The following SUV39H2 variants were observed in gnomAD, a reference collection of about 807,000 sequenced individuals.
SUV39H2 encodes histone-lysine N-methyltransferase SUV39H2.
Under a neutral mutation model 47.5 loss-of-function variants are expected in SUV39H2, and 10 were observed. The ratio of observed to expected loss-of-function variants is 0.21; its 90% CI spans 0.13 to 0.36. The LOEUF (loss-of-function observed/expected upper bound fraction) is 0.36, where lower values mean the gene tolerates loss of function less well. SUV39H2 is among the 10% of genes least tolerant of loss of function. The pLI, the probability that SUV39H2 is intolerant of heterozygous loss-of-function variation, is 1.00. For synonymous variants in SUV39H2, 159 were observed against 166.8 expected, an observed-to-expected ratio of 0.95 and a Z score of 0.36; for missense variants, 266 against 487.4, an observed-to-expected ratio of 0.55 and a Z score of 4.28.
Position 14,902,647 on chromosome 10 carries a change from C to G in SUV39H2, c.*135C>G. 1 of 600,072 alleles carries G rather than the reference C, an allele frequency of 1.7e-6. No individual in the cohort carries two copies. Among genetic ancestry groups the G allele is most frequent in the Non-Finnish European group, 2.8e-6 (1 of 355,474 alleles). The allele number at this position is 600,072 out of a possible 1,614,324, so 37.2% of individuals were successfully genotyped here. On this transcript the variant is annotated 3_prime_UTR_variant, in exon 6 of 6. Coordinates refer to ENST00000354919, the MANE Select transcript of SUV39H2 (RefSeq NM_001193424.2). ...TACAATTCATGTTTCAAGACATTTGCCAAATGTATTACCGATGCCTCTGAA... is the reference window on the plus strand; with the variant it reads ...TACAATTCATGTTTCAAGACATTTGGCAAATGTATTACCGATGCCTCTGAA...
intron 3 of SUV39H2, chr10:14,899,114 G>A (rs1833809101): frequency 3.1e-6 from 2 of 649,832 alleles, no homozygotes; most frequent in East Asian, 2.7e-5. Flanking sequence ...GAGCCCAGGA[G>A]TTCCAGACCA....
At chr10:14,885,865 A>C (rs932993895) in intron 2 of SUV39H2, among the ~76,000 whole-genome samples, 4 of 152,202 alleles carry the variant, frequency 2.6e-5, no homozygotes, top group Non-Finnish European at 5.9e-5. Context: ...TCTCAATACC[A>C]TAGTCTACCG....
At chr10:14,885,599 C>T (rs889041499) in intron 2 of SUV39H2, among the ~76,000 whole-genome samples, 1 of 152,172 alleles carries the variant, frequency 6.6e-6, no homozygotes, top group East Asian at 1.9e-4. Flanking sequence ...CTTAGTCTTT[C>T]TCATCAGTTC....
At chr10:14,894,806 C>T (rs1371319646) in intron 2 of SUV39H2, among the ~76,000 whole-genome samples, 3 of 152,150 alleles carry the variant, frequency 2.0e-5, no homozygotes. Context: ...TCATGGTGTC[C>T]CTCAGCCCAA....
Position 14,902,516 on chromosome 10 carries a change from T to C in SUV39H2, c.*4T>C. ...TTGCAGAGGTTACCTCAACTGAACT[T>C]TTTCAGGAAATAGAGCTGATGATTA... On this transcript the variant is annotated 3_prime_UTR_variant, in exon 6 of 6. Transcript: ENST00000354919. 1 of 1,552,286 alleles carries C rather than the reference T, an allele frequency of 6.4e-7. No homozygotes were observed. Among genetic ancestry groups the C allele is most frequent in the Non-Finnish European group, 8.7e-7 (1 of 1,150,470 alleles).
chr10:14,896,223 A>T (rs751529029), intron 2 of SUV39H2, among the ~76,000 whole-genome samples: 2 of 152,150 alleles, frequency 1.3e-5, no homozygotes, highest in Non-Finnish European at 2.9e-5. Context: ...GATTACAGGC[A>T]TGAGCCACCG....
At chr10:14,880,011 C>A (rs1832996556) in intron 1 of SUV39H2, 1 of 150,954 alleles carries the variant, frequency 6.6e-6, no homozygotes, top group African/African-American at 2.4e-5. Context: ...GAAAAGCACA[C>A]AAACACACCT....
At chr10:14,896,801 G>A (rs778381206) in intron 2 of SUV39H2, 45 bp from the exon 3 acceptor site, 5 of 1,465,536 alleles carry the variant, frequency 3.4e-6, no homozygotes, top group Middle Eastern at 2.0e-4. Context: ...GTAAAACTGG[G>A]AAATAGCCGT....
chr10:14,899,385 ATCTGAG>A (rs1833836530), intron 3 of SUV39H2, 148 bp from the exon 4 acceptor site: 1 of 798,502 alleles, frequency 1.3e-6, no homozygotes, highest in Non-Finnish European at 2.0e-6. Flanking sequence ...ACCTCTTTGC[ATCTGAG>A]TCTTAGTTTG....
intron 1 of SUV39H2, among the ~76,000 whole-genome samples, chr10:14,879,448 C>T (rs957460188): frequency 6.6e-6 from 1 of 152,220 alleles, no homozygotes; most frequent in Non-Finnish European, 1.5e-5. Flanking sequence ...GGAATCCCCC[C>T]CAAGGCGGAC....
chr10:14,883,888 T>G (rs977637276), intron 2 of SUV39H2, among the ~76,000 whole-genome samples: 16 of 152,294 alleles, frequency 1.1e-4, no homozygotes, highest in African/African-American at 3.6e-4. Flanking sequence ...TACATCTGTC[T>G]GTCCATTTGC....
At position 14,881,801 on chromosome 10, in the gene SUV39H2, A is replaced by G. The variant is rs2131668759; in HGVS notation, c.177+156A>G. On this transcript the variant is annotated intron_variant, in intron 2 of 5. Coordinates refer to ENST00000354919, the MANE Select transcript of SUV39H2 (RefSeq NM_001193424.2). ...TATGTCCTATCATCTGTGTTGCCAA[A>G]TAGCATTGAGAGGATTTTGAAGCAT... Among the ~76,000 whole-genome samples the G allele has an allele frequency of 2.6e-5, 4 of 152,352 alleles. No homozygotes were observed. In the Middle Eastern group the frequency reaches 0.014, roughly 518 times the overall value.
At chr10:14,881,423 A>T in intron 1 of SUV39H2, 77 bp from the exon 2 acceptor site, 2 of 1,219,166 alleles carry the variant, frequency 1.6e-6, no homozygotes, top group South Asian at 6.3e-5. Flanking sequence ...GATGGGGAAT[A>T]GAGGTTTTAA....
intron 1 of SUV39H2, among the ~76,000 whole-genome samples, chr10:14,881,170 A>C (rs993125745): frequency 4.6e-5 from 7 of 152,218 alleles, no homozygotes; most frequent in Admixed American, 1.3e-4. Context: ...ATGAAAGTGA[A>C]AAACATTATC....
chr10:14,894,610 G>A (rs1285339763), intron 2 of SUV39H2, among the ~76,000 whole-genome samples: 6 of 57,528 alleles, frequency 1.0e-4, no homozygotes, highest in Admixed American at 3.4e-4. Context: ...CTCGTGATCC[G>A]CCCGCCTCGG....
chr10:14,901,367 T>A, intron 5 of SUV39H2, 105 bp downstream of exon 5: 1 of 1,462,686 alleles, frequency 6.8e-7, no homozygotes, highest in Non-Finnish European at 9.3e-7. Context: ...ATACTAAAGA[T>A]GAAAAGTTGA....
At chr10:14,884,690 C>T (rs1203882320) in intron 2 of SUV39H2, among the ~76,000 whole-genome samples, 1 of 152,152 alleles carries the variant, frequency 6.6e-6, no homozygotes, top group South Asian at 2.1e-4. Flanking sequence ...ATTTGAAGAC[C>T]TTGCATCTTA....
intron 4 of SUV39H2, among the ~76,000 whole-genome samples, chr10:14,900,394 G>A (rs1833918487): frequency 6.6e-6 from 1 of 152,166 alleles, no homozygotes; most frequent in Admixed American, 6.5e-5. Flanking sequence ...AAGTTATATA[G>A]CTGAACATAT....
At chr10:14,881,067 G>T (rs1380948226) in intron 1 of SUV39H2, among the ~76,000 whole-genome samples, 1 of 152,124 alleles carries the variant, frequency 6.6e-6, no homozygotes, top group Admixed American at 6.5e-5. Flanking sequence ...TTATAAGATT[G>T]TTTTAAAGTA....
Sources: gnomAD v4.1 joint callset for allele counts (sites outside exome capture counted in the v4.1 genomes callset) on GRCh38, gnomAD v4.1.1 for gene constraint, MANE v1.5 for transcripts, NCBI Gene and HGNC (gene_info 2026-07-23, HGNC 2026-07-21) for gene names.